Variants in ANKRD31 observed in about 807,000 individuals in gnomAD.
The protein encoded by ANKRD31 is ankyrin repeat domain 31.
In ANKRD31, 147 loss-of-function variants were observed where a neutral mutation model predicts 186.0. The observed-to-expected ratio is 0.79, with a 90% CI of 0.69 to 0.91. The LOEUF is 0.91. Among genes scored for constraint, ANKRD31 ranks in the 40% least tolerant of loss-of-function variants. The pLI is 0.00. For synonymous variants in ANKRD31, 673 were observed against 736.4 expected (o/e 0.91, Z 1.39); for missense variants, 1,986 against 2,148.8 (o/e 0.92, Z 1.50).
chr5:75,206,759 T>C (rs1756279074), intron 4 of ANKRD31, among the ~76,000 whole-genome samples: 1 of 152,134 alleles, frequency 6.6e-6, no homozygotes, highest in Non-Finnish European at 1.5e-5. Flanking sequence ...AAGGTGACTT[T>C]GGAGGTGACT....
chr5:75,233,761 CA>C (rs1184582563), intron 1 of ANKRD31, among the ~76,000 whole-genome samples: 1 of 151,886 alleles, frequency 6.6e-6, no homozygotes, highest in Non-Finnish European at 1.5e-5. Context: ...ACTAAAAATA[CA>C]AAAATTAGCT....
intron 23 of ANKRD31, among the ~76,000 whole-genome samples, chr5:75,090,802 T>C (rs544538279): frequency 1.3e-5 from 2 of 152,236 alleles, no homozygotes; most frequent in Admixed American, 1.3e-4. Context: ...TAAAAATACA[T>C]GATAATATCT....
chr5:75,120,031 G>C (rs953274778), intron 17 of ANKRD31, among the ~76,000 whole-genome samples: 1 of 152,152 alleles, frequency 6.6e-6, no homozygotes, highest in African/African-American at 2.4e-5. Context: ...GTTGCTCTGA[G>C]TAACTCTTAA....
chr5:75,197,266 G>C (rs1443050181), intron 6 of ANKRD31, among the ~76,000 whole-genome samples: 1 of 152,158 alleles, frequency 6.6e-6, no homozygotes, highest in Admixed American at 6.6e-5. Context: ...TTCAGAATGA[G>C]TTTATAAGCC....
At chr5:75,171,413 C>G (rs546704467) in intron 10 of ANKRD31, among the ~76,000 whole-genome samples, 1 of 151,818 alleles carries the variant, frequency 6.6e-6, no homozygotes, top group South Asian at 2.1e-4. Flanking sequence ...ATATTTCAAA[C>G]TGAATTACAA....
At chr5:75,105,726 T>C (rs1747282393) in intron 21 of ANKRD31, among the ~76,000 whole-genome samples, 1 of 152,170 alleles carries the variant, frequency 6.6e-6, no homozygotes, top group African/African-American at 2.4e-5. Flanking sequence ...ATAATCATAC[T>C]TCAGCTGGAC....
intron 17 of ANKRD31, among the ~76,000 whole-genome samples, chr5:75,136,825 T>C (rs1750619182): frequency 6.6e-6 from 1 of 152,214 alleles, no homozygotes; most frequent in African/African-American, 2.4e-5. Flanking sequence ...CATGGAATAC[T>C]ATGCAGCCAT....
chr5:75,193,637 A>C, intron 7 of ANKRD31, 46 bp from the exon 8 acceptor site: 1 of 1,480,134 alleles, frequency 6.8e-7, no homozygotes, highest in Non-Finnish European at 8.9e-7. Context: ...ACACTGCAAA[A>C]AAATTAAAAC....
intron 23 of ANKRD31, among the ~76,000 whole-genome samples, chr5:75,088,352 A>G (rs549222554): frequency 2.6e-5 from 4 of 152,372 alleles, no homozygotes; most frequent in African/African-American, 9.6e-5. Context: ...GTATGTTTGC[A>G]GAAGAGATCT....
At chr5:75,108,889 C>A (rs1299548973) in intron 20 of ANKRD31, among the ~76,000 whole-genome samples, 2 of 152,142 alleles carry the variant, frequency 1.3e-5, no homozygotes, top group East Asian at 3.8e-4. Context: ...GCTTTTCCAA[C>A]TGAATTTTAA....
Position 75,081,700 on chromosome 5 carries a change from C to CAGAG in ANKRD31, c.5576-1065_5576-1062dup, listed in dbSNP as rs935046250. Among the ~76,000 whole-genome samples the CAGAG allele has an allele frequency of 8.3e-3, 1,133 of 137,078 alleles. 25 individuals carry two copies. Among genetic ancestry groups the CAGAG allele is most frequent in the African/African-American group, 0.029 (1,079 of 37,460 alleles). 89.9% of individuals were successfully genotyped at this position (137,078 alleles called of 152,430 possible). A position where few individuals can be genotyped will look rare whatever the true frequency, so the allele number is the denominator to read the frequency against. Reference sequence around the variant, plus strand: ...GGGAGGAGGCAGAGAGAGAGAGAGACAGAGAGAGAGAGAGAGACAGAGAGA... The same window carrying CAGAG: ...GGGAGGAGGCAGAGAGAGAGAGAGACAGAGAGAGAGAGAGAGAGAGACAGAGAGA... On this transcript the variant is annotated intron_variant, in intron 24 of 25. Coordinates refer to ENST00000506364, the MANE Select transcript of ANKRD31 (RefSeq NM_001372053.1).
intron 9 of ANKRD31, among the ~76,000 whole-genome samples, chr5:75,189,730 T>A (rs1284033785): frequency 6.6e-6 from 1 of 152,212 alleles, no homozygotes; most frequent in Non-Finnish European, 1.5e-5. Flanking sequence ...CAATTAAGTA[T>A]AAAGCTGTAT....
intron 22 of ANKRD31, among the ~76,000 whole-genome samples, chr5:75,103,212 AG>A (rs1203426147): frequency 6.6e-6 from 1 of 152,206 alleles, no homozygotes; most frequent in Non-Finnish European, 1.5e-5. Flanking sequence ...TCAGGTTTAA[AG>A]AAGGCATTCA....
At chr5:75,095,972 T>G (rs1746288407) in intron 22 of ANKRD31, among the ~76,000 whole-genome samples, 1 of 152,176 alleles carries the variant, frequency 6.6e-6, no homozygotes, top group South Asian at 2.1e-4. Flanking sequence ...CAAGGCACTA[T>G]AAACCAATTA....
At position 75,185,029 on chromosome 5, in the gene ANKRD31, TA is replaced by T. The variant is rs200695362; in HGVS notation, c.1564+3463del. ...TATACAATGGAATACTATTCAGCCA[TA>T]AAAAAAGAATAAAATTCTTTCATTT... On this transcript the variant is annotated intron_variant, in intron 10 of 25. Coordinates refer to ENST00000506364, the MANE Select transcript of ANKRD31 (RefSeq NM_001372053.1). Among the ~76,000 whole-genome samples, 1,278 of 152,168 alleles carry T rather than the reference TA, an allele frequency of 8.4e-3. 31 individuals are homozygous for T. The highest frequency in any genetic ancestry group is 0.029 in the African/African-American group (1,185 of 41,504).
intron 25 of ANKRD31, among the ~76,000 whole-genome samples, chr5:75,069,792 C>T (rs778546491): frequency 1.8e-4 from 28 of 151,950 alleles, no homozygotes; most frequent in South Asian, 8.3e-4. Context: ...GTGATCCACC[C>T]GCCTCAGCCT....
At chr5:75,123,723 G>T (rs970442524) in intron 17 of ANKRD31, among the ~76,000 whole-genome samples, 2 of 152,070 alleles carry the variant, frequency 1.3e-5, no homozygotes, top group Non-Finnish European at 2.9e-5. Context: ...AATAAATAGT[G>T]TTGGGAAAAT....
At chr5:75,086,616 G>C (rs111246795) in intron 23 of ANKRD31, among the ~76,000 whole-genome samples, 1,582 of 152,284 alleles carry the variant, frequency 0.01, 18 homozygotes, top group Middle Eastern at 0.024. Context: ...TTTGATGAAG[G>C]GCAGCTGATA....
At chr5:75,182,591 C>A (rs1051292964) in intron 10 of ANKRD31, among the ~76,000 whole-genome samples, 18 of 151,732 alleles carry the variant, frequency 1.2e-4, no homozygotes, top group Non-Finnish European at 1.5e-5. Flanking sequence ...TGGTGGCAAG[C>A]GCCTGTAATC....
Sources: gnomAD v4.1 joint callset for allele counts (sites outside exome capture counted in the v4.1 genomes callset) on GRCh38, gnomAD v4.1.1 for gene constraint, MANE v1.5 for transcripts, NCBI Gene and HGNC (gene_info 2026-07-23, HGNC 2026-07-21) for gene names.